The following DPP10 variants were observed in gnomAD, a reference collection of about 807,000 sequenced individuals.
DPP10 encodes inactive dipeptidyl peptidase 10.
Under a neutral mutation model 120.9 loss-of-function variants are expected in DPP10, and 33 were observed. The ratio of observed to expected loss-of-function variants is 0.27; its 90% CI spans 0.21 to 0.37. The LOEUF is 0.37. Ranked by LOEUF, DPP10 falls within the 10% of genes least tolerant of loss-of-function variation. The pLI is 1.00. For synonymous variants in DPP10, 337 were observed against 326.1 expected (o/e 1.03, Z -0.36); for missense variants, 816 against 942.8 (o/e 0.87, Z 1.76).
At chr2:115,727,981 T>A in intron 8 of DPP10, 45 bp downstream of exon 8, 9 of 1,573,052 alleles carry the variant, frequency 5.7e-6, no homozygotes, top group Non-Finnish European at 7.7e-6. Flanking sequence ...ATGACATATT[T>A]TTATACAAAA....
chr2:115,746,356 G>T (rs1677973843), intron 10 of DPP10, among the ~76,000 whole-genome samples, 173 bp downstream of exon 10: 1 of 152,118 alleles, frequency 6.6e-6, no homozygotes, highest in Non-Finnish European at 1.5e-5. Context: ...GCTGTTCCTA[G>T]GAAGCATTTA....
chr2:115,489,613 CTT>C (rs542376503), intron 3 of DPP10, among the ~76,000 whole-genome samples: 31 of 140,430 alleles, frequency 2.2e-4, no homozygotes, highest in Non-Finnish European at 2.3e-4. Context: ...AAAACTGGCG[CTT>C]TTTTTTTTTT....
At chr2:115,144,763 T>C (rs547472309) in intron 1 of DPP10, 1 of 151,684 alleles carries the variant, frequency 6.6e-6, no homozygotes, top group South Asian at 2.1e-4. Flanking sequence ...CATGTATATA[T>C]ATGTAACTAA....
intron 1 of DPP10, among the ~76,000 whole-genome samples, chr2:115,246,154 TA>T (rs546135266): frequency 5.4e-4 from 81 of 149,006 alleles, no homozygotes; most frequent in Middle Eastern, 3.5e-3. Flanking sequence ...TTTTTTGGGG[TA>T]AAAAAAAAAT....
chr2:115,674,265 A>T (rs1290400718), intron 5 of DPP10, among the ~76,000 whole-genome samples: 1 of 151,816 alleles, frequency 6.6e-6, no homozygotes, highest in Non-Finnish European at 1.5e-5. Flanking sequence ...TAAATAAATA[A>T]ATAAAGGAGG....
intron 1 of DPP10, among the ~76,000 whole-genome samples, chr2:115,183,978 T>C (rs949096408): frequency 1.3e-5 from 2 of 151,998 alleles, no homozygotes; most frequent in African/African-American, 4.8e-5. Flanking sequence ...GGAGGAGAGG[T>C]GCACAAGCCA....
chr2:114,522,759 C>G (rs1485432905), intron 1 of DPP10, among the ~76,000 whole-genome samples: 1 of 152,060 alleles, frequency 6.6e-6, no homozygotes, highest in Non-Finnish European at 1.5e-5. Flanking sequence ...TTCCACGTGG[C>G]TGGGGAGGCC....
Position 115,306,661 on chromosome 2 carries a change from T to C in DPP10, c.61-2578T>C, listed in dbSNP as rs554362148. Among the ~76,000 whole-genome samples, 16 of 152,252 alleles carry C rather than the reference T, an allele frequency of 1.1e-4. No homozygotes were observed. In the South Asian group the frequency reaches 3.1e-3, roughly 30 times the overall value. On this transcript the variant is annotated intron_variant, in intron 1 of 25. Coordinates refer to ENST00000410059, the MANE Select transcript of DPP10 (RefSeq NM_020868.6). ...ATTCATTAAGTCAGCAGTTCTCAAA[T>C]AGGGACTTGTATATGCCTTGAGCAT...
intron 1 of DPP10, among the ~76,000 whole-genome samples, chr2:114,639,937 C>T (rs1695584176): frequency 6.6e-6 from 1 of 151,646 alleles, no homozygotes; most frequent in Non-Finnish European, 1.5e-5. Context: ...TCTGTGATTC[C>T]ATCTAAGATA....
At chr2:115,465,890 TAC>T (rs1357730681) in intron 3 of DPP10, among the ~76,000 whole-genome samples, 1 of 152,162 alleles carries the variant, frequency 6.6e-6, no homozygotes, top group Non-Finnish European at 1.5e-5. Context: ...TTGATAAATC[TAC>T]AGTTTAGAGT....
intron 7 of DPP10, among the ~76,000 whole-genome samples, chr2:115,718,953 A>G (rs548116429): frequency 6.6e-6 from 1 of 152,296 alleles, no homozygotes; most frequent in East Asian, 1.9e-4. Context: ...GGATTTTTAA[A>G]TAACAGTTAT....
intron 1 of DPP10, among the ~76,000 whole-genome samples, chr2:115,042,894 C>G (rs1368718263): frequency 6.6e-6 from 1 of 152,166 alleles, no homozygotes; most frequent in African/African-American, 2.4e-5. Context: ...AGGACTCTGT[C>G]TAATGTTTCA....
intron 1 of DPP10, 69 bp downstream of exon 1, chr2:114,442,907 G>A (rs373573733): frequency 1.3e-6 from 2 of 1,579,396 alleles, no homozygotes; most frequent in African/African-American, 2.7e-5. Flanking sequence ...CATGGGCATT[G>A]ATATATCGGG....
At chr2:114,447,731 T>C (rs924629113) in intron 1 of DPP10, among the ~76,000 whole-genome samples, 1 of 151,544 alleles carries the variant, frequency 6.6e-6, no homozygotes, top group African/African-American at 2.4e-5. Flanking sequence ...ATTTCACCAG[T>C]GAGTTCTACA....
intron 5 of DPP10, among the ~76,000 whole-genome samples, chr2:115,578,883 A>G (rs1285510543): frequency 1.3e-5 from 2 of 152,172 alleles, no homozygotes; most frequent in African/African-American, 4.8e-5. Flanking sequence ...AATTATCTGG[A>G]GAGCTTGTTA....
At chr2:114,659,280 A>G (rs997049494) in intron 1 of DPP10, among the ~76,000 whole-genome samples, 1 of 152,162 alleles carries the variant, frequency 6.6e-6, no homozygotes, top group Non-Finnish European at 1.5e-5. Context: ...TGTCATATAA[A>G]CAGATATGAG....
intron 1 of DPP10, among the ~76,000 whole-genome samples, chr2:115,079,166 G>C (rs1473036636): frequency 6.6e-6 from 1 of 152,090 alleles, no homozygotes; most frequent in Non-Finnish European, 1.5e-5. Flanking sequence ...GGATCGTGAG[G>C]TCAGGAGATC....
intron 1 of DPP10, among the ~76,000 whole-genome samples, chr2:115,101,302 A>C (rs2048682973): frequency 6.6e-6 from 1 of 152,154 alleles, no homozygotes; most frequent in Non-Finnish European, 1.5e-5. Context: ...TGATGGAAAT[A>C]TCTGGTTACA....
chr2:115,574,906 A>T (rs1045951678), intron 5 of DPP10, among the ~76,000 whole-genome samples: 13 of 152,258 alleles, frequency 8.5e-5, no homozygotes, highest in African/African-American at 3.1e-4. Context: ...TGTGGTCATC[A>T]CTGTGTCCAT....
Sources: allele counts gnomAD v4.1 joint callset (sites outside exome capture counted in the v4.1 genomes callset), GRCh38; gene constraint gnomAD v4.1.1; transcripts MANE v1.5; gene names NCBI Gene and HGNC (gene_info 2026-07-23, HGNC 2026-07-21).